Variants in USP54 observed in about 807,000 individuals in gnomAD.
USP54 encodes the protein ubiquitin carboxyl-terminal hydrolase 54.
In USP54, 87 loss-of-function variants were observed where a neutral mutation model predicts 170.5. That is an observed-to-expected ratio of 0.51 (90% CI 0.43 to 0.61). USP54 has a LOEUF of 0.61. Among genes scored for constraint, USP54 ranks in the 20% least tolerant of loss-of-function variants. USP54 has a pLI of 0.00. For synonymous variants in USP54, 655 were observed against 742.8 expected (o/e 0.88, Z 1.92); for missense variants, 1,786 against 2,047.8 (o/e 0.87, Z 2.47).
At position 73,557,200 on chromosome 10, in the gene USP54, T is replaced by C. The variant is rs143209802; in HGVS notation, c.241-11528A>G. Among the ~76,000 whole-genome samples the C allele has an allele frequency of 4.3e-3, 652 of 152,220 alleles. 5 individuals carry two copies. Among genetic ancestry groups the C allele is most frequent in the Middle Eastern group, 6.8e-3 (2 of 294 alleles). On this transcript the variant is annotated intron_variant, in intron 4 of 23. Transcript: ENST00000687698. ...GTAAGAGTAGATTCATTGTGAATAATAAATAAGACCACTGGGCTACAGGCA... is the reference window on the plus strand; with the variant it reads ...GTAAGAGTAGATTCATTGTGAATAACAAATAAGACCACTGGGCTACAGGCA...
intron 1 of USP54, among the ~76,000 whole-genome samples, chr10:73,620,099 G>T (rs2080964338): frequency 6.7e-6 from 1 of 150,156 alleles, no homozygotes; most frequent in Admixed American, 6.6e-5. Flanking sequence ...GATCACTTGA[G>T]GTCAGGAGTT....
At chr10:73,615,532 TTTGA>T (rs1297261410) in intron 1 of USP54, among the ~76,000 whole-genome samples, 6 of 150,510 alleles carry the variant, frequency 4.0e-5, no homozygotes, top group East Asian at 3.9e-4. Flanking sequence ...TTTTACATGA[TTTGA>T]TTATTATGCA....
chr10:73,571,469 A>G lies in USP54; in HGVS notation c.192T>C (p.Leu64=). The G allele has an allele frequency of 5.0e-6, 8 of 1,614,050 alleles. No homozygotes were observed. Among genetic ancestry groups the G allele is most frequent in the Non-Finnish European group, 6.8e-6 (8 of 1,179,964 alleles). Residue 64 remains leucine, a synonymous_variant, in exon 4 of 24, where the codon CTT becomes CTC. Transcript: ENST00000687698. ...LDIFRRSFRQ[L]TTHKCMGDSC... ...AATCTCCCATGCACTTGTGAGTTGT[A>G]AGCTGCCTAAAGCTACGTCGGAAGA...
chr10:73,541,520 C>A lies in USP54; in HGVS notation c.680G>T (p.Ser227Ile), dbSNP rs776317601. 1.9e-6 allele frequency: 3 copies of A among 1,614,026 alleles called. No individual in the cohort carries two copies. In the African/African-American group the frequency reaches 4.0e-5, roughly 22 times the overall value. Residue 227 changes from serine (S) to isoleucine (I), a missense_variant and splice_region_variant, in exon 9 of 24, where the codon AGC (serine) becomes ATC (isoleucine). Physicochemically the swap from Ser to Ile is moderately radical, Grantham distance 142. Coordinates refer to ENST00000687698, the MANE Select transcript of USP54 (RefSeq NM_001391956.1). ...STMGDLRNCP[S>I]NCGERIRIRR... ...AATCCTGATCCTCTCTCCACAGTTG[C>A]TCTGAAATACATATATAAGGCTAGT...
At chr10:73,584,982 C>A (rs1459020433) in intron 1 of USP54, among the ~76,000 whole-genome samples, 3 of 152,180 alleles carry the variant, frequency 2.0e-5, no homozygotes, top group Admixed American at 6.5e-5. Flanking sequence ...CATGTCACTA[C>A]CACCTGACTC....
intron 22 of USP54, 48 bp downstream of exon 22, chr10:73,504,802 T>C (rs2058805164): frequency 1.2e-6 from 2 of 1,613,162 alleles, no homozygotes; most frequent in East Asian, 4.5e-5. Context: ...TATTTTTGCT[T>C]AGCAAGGAGG....
chr10:73,530,198 C>T lies in USP54; in HGVS notation c.1773G>A (p.Lys591=). The change falls in exon 14 of 24, where the codon AAG becomes AAA. Residue 591 remains lysine, a synonymous_variant. Transcript: ENST00000687698. ...ESLNIDSIFS[K]DKRKHCGYTQ... The stretch of plus-strand genomic sequence containing the variant: ...TATAGCCACAGTGCTTCCTTTTGTC[C>T]TTACTAAAGATACTGTCAATATTCA... The T allele has an allele frequency of 6.2e-7, 1 of 1,614,024 alleles. No homozygotes were observed.
rs1437578882 is a variant in USP54 at position 73,539,560 on chromosome 10, G to T, written c.859C>A (p.Gln287Lys). 1.9e-6 allele frequency: 3 copies of T among 1,608,538 alleles called. No individual in the cohort carries two copies. Among genetic ancestry groups the T allele is most frequent in the Middle Eastern group, 1.7e-4 (1 of 6,042 alleles). The change falls in exon 10 of 24, where the codon CAA becomes AAA. Residue 287 changes from glutamine to lysine, a missense_variant. Transcript: ENST00000687698. ...ATTCCAACTAAGTACAGTTCAGATT[G>T]CTTGGCCCGGTCATCCGTCACTCTG... ...FFRVTDDRAK[Q>K]SELYLVGMIC... is the part of the protein sequence containing the mutation.
chr10:73,552,509 A>T (rs979596700), intron 4 of USP54, among the ~76,000 whole-genome samples: 1 of 152,166 alleles, frequency 6.6e-6, no homozygotes, highest in African/African-American at 2.4e-5. Context: ...GATATACATC[A>T]GCCGGGCGTG....
chr10:73,590,023 A>G (rs1220730941), intron 1 of USP54, among the ~76,000 whole-genome samples: 1 of 152,208 alleles, frequency 6.6e-6, no homozygotes, highest in Non-Finnish European at 1.5e-5. Context: ...GTGTAAAATT[A>G]TAATAATGGT....
intron 23 of USP54, 46 bp from the exon 24 acceptor site, chr10:73,499,234 C>T: frequency 1.3e-6 from 2 of 1,537,308 alleles, no homozygotes; most frequent in Non-Finnish European, 1.7e-6. Context: ...TTCAGAAAAC[C>T]ATTCTCCTTC....
chr10:73,615,809 A>G (rs182900556), intron 1 of USP54, among the ~76,000 whole-genome samples: 5 of 147,684 alleles, frequency 3.4e-5, no homozygotes, highest in African/African-American at 1.0e-4. Context: ...GGTCCCAGCT[A>G]CTCGGGAGGT....
chr10:73,568,848 T>C (rs1023856724), intron 4 of USP54, among the ~76,000 whole-genome samples: 1 of 152,198 alleles, frequency 6.6e-6, no homozygotes, highest in Non-Finnish European at 1.5e-5. Context: ...ATTGACAATT[T>C]CCCTTCTGTA....
intron 20 of USP54, among the ~76,000 whole-genome samples, chr10:73,512,245 T>A (rs2060335125): frequency 6.6e-6 from 1 of 152,066 alleles, no homozygotes; most frequent in African/African-American, 2.4e-5. Flanking sequence ...TCTCAGTTGA[T>A]CCTCCTGCTT....
chr10:73,622,446 C>T (rs998451005), intron 1 of USP54, among the ~76,000 whole-genome samples: 4 of 151,984 alleles, frequency 2.6e-5, no homozygotes, highest in African/African-American at 9.7e-5. Context: ...GCCTCAGCCT[C>T]CCGAGTGGCT....
chr10:73,566,471 C>T (rs539809362), intron 4 of USP54, among the ~76,000 whole-genome samples: 6 of 152,118 alleles, frequency 3.9e-5, no homozygotes, highest in East Asian at 3.9e-4. Flanking sequence ...CAGTGGCTCA[C>T]GCCTGTAATC....
chr10:73,557,301 G>A (rs1362908577), intron 4 of USP54, among the ~76,000 whole-genome samples: 1 of 151,962 alleles, frequency 6.6e-6, no homozygotes, highest in African/African-American at 2.4e-5. Context: ...AGGGGACAGG[G>A]TAATTAGCAC....
chr10:73,557,754 G>A (rs574976958), intron 4 of USP54, among the ~76,000 whole-genome samples: 1 of 151,952 alleles, frequency 6.6e-6, no homozygotes, highest in South Asian at 2.1e-4. Flanking sequence ...CCAAAGTGCT[G>A]GGATTACAGG....
chr10:73,598,084 CA>C (rs776704426), intron 1 of USP54, among the ~76,000 whole-genome samples: 1 of 151,460 alleles, frequency 6.6e-6, no homozygotes, highest in East Asian at 1.9e-4. Context: ...GACTCCATCT[CA>C]AAAAAAAGGT....
Sources: allele counts gnomAD v4.1 joint callset (sites outside exome capture counted in the v4.1 genomes callset), GRCh38; gene constraint gnomAD v4.1.1; transcripts MANE v1.5; gene names NCBI Gene and HGNC (gene_info 2026-07-23, HGNC 2026-07-21).